The following NALF1 variants were observed in gnomAD, a reference collection of about 807,000 sequenced individuals.
The protein encoded by NALF1 is NALCN channel auxiliary factor 1.
In NALF1, 3 loss-of-function variants were observed where a neutral mutation model predicts 48.4. The observed-to-expected ratio is 0.06, with a 90% CI of 0.03 to 0.16. The LOEUF (loss-of-function observed/expected upper bound fraction) is 0.16, where lower values mean the gene tolerates loss of function less well. Among genes scored for constraint, NALF1 ranks in the 10% least tolerant of loss-of-function variants. The pLI is 1.00. For synonymous variants in NALF1, 262 were observed against 245.7 expected (o/e 1.07, Z -0.62); for missense variants, 526 against 571.5 (o/e 0.92, Z 0.81).
chr13:107,328,502 C>T (rs1882408490), intron 1 of NALF1, among the ~76,000 whole-genome samples: 1 of 152,062 alleles, frequency 6.6e-6, no homozygotes. Flanking sequence ...AGAAGTCCTC[C>T]CATAAAGCAT....
intron 1 of NALF1, among the ~76,000 whole-genome samples, chr13:107,703,001 G>T (rs1040005259): frequency 6.6e-5 from 10 of 152,136 alleles, no homozygotes. Context: ...GTGCTGCGAT[G>T]AACATATGTG....
chr13:107,671,333 A>G (rs1030128935), intron 1 of NALF1, among the ~76,000 whole-genome samples: 1 of 152,130 alleles, frequency 6.6e-6, no homozygotes, highest in African/African-American at 2.4e-5. Context: ...AGTTTTTCAT[A>G]TAACAAAAAT....
In NALF1 at chr13:107,266,734, C is replaced by A. The variant is rs529905882; in HGVS notation, c.916-55979G>T. 1.4e-4 allele frequency among the ~76,000 whole-genome samples: 21 copies of A among 152,270 alleles called. 1 individual carries two copies. In the South Asian group the frequency reaches 3.7e-3, roughly 27 times the overall value. Reference sequence around the variant, plus strand: ...AATGCAATTTTTAGGGTCAAAAAAACCCACAGGAAATAAAAGTATGCACAA... The same window carrying A: ...AATGCAATTTTTAGGGTCAAAAAAAACCACAGGAAATAAAAGTATGCACAA... On this transcript the variant is annotated intron_variant, in intron 1 of 2. Coordinates refer to ENST00000375915, the MANE Select transcript of NALF1 (RefSeq NM_001080396.3).
Position 107,252,295 on chromosome 13 carries a change from G to T in NALF1, c.916-41540C>A, listed in dbSNP as rs566020527. Among the ~76,000 whole-genome samples the T allele has an allele frequency of 9.2e-5, 14 of 152,252 alleles. No individual in the cohort carries two copies. In the South Asian group the frequency reaches 1.5e-3, roughly 16 times the overall value. On this transcript the variant is annotated intron_variant, in intron 1 of 2. Transcript: ENST00000375915. ...CACGGTTCCCGGCCACAGCACACGG[G>T]CCTCTTCATGGAGAGGCTCACAACG... is the stretch of plus-strand genomic sequence containing the variant.
At chr13:107,545,273 T>G (rs935560311) in intron 1 of NALF1, among the ~76,000 whole-genome samples, 1 of 152,092 alleles carries the variant, frequency 6.6e-6, no homozygotes, top group Admixed American at 6.5e-5. Flanking sequence ...ATTGCAGCAA[T>G]GCACCCACAA....
chr13:107,628,138 T>C (rs990155642), intron 1 of NALF1, among the ~76,000 whole-genome samples: 1 of 152,096 alleles, frequency 6.6e-6, no homozygotes, highest in African/African-American at 2.4e-5. Context: ...ACGTGCAATG[T>C]TTGTTTTTAA....
At chr13:107,395,206 A>G (rs1256793588) in intron 1 of NALF1, among the ~76,000 whole-genome samples, 1 of 152,094 alleles carries the variant, frequency 6.6e-6, no homozygotes, top group Non-Finnish European at 1.5e-5. Flanking sequence ...TTGACAGGTG[A>G]TTTTTTAAAA....
At position 107,557,198 on chromosome 13, in the gene NALF1, G is replaced by A. The variant is rs148522594; in HGVS notation, c.915+308484C>T. ...TTAGGTGTTTCCTTGAAGAACATTC[G>A]TTCACTGAAATTTAGGGCTTACTAT... On this transcript the variant is annotated intron_variant, in intron 1 of 2. Transcript: ENST00000375915. Among the ~76,000 whole-genome samples, 573 of 152,168 alleles carry A rather than the reference G, an allele frequency of 3.8e-3. 1 individual carries two copies. The highest frequency in any genetic ancestry group is 0.012 in the African/African-American group (517 of 41,518).
chr13:107,241,366 A>C (rs1371499495), intron 1 of NALF1, among the ~76,000 whole-genome samples: 2 of 152,182 alleles, frequency 1.3e-5, no homozygotes, highest in Non-Finnish European at 2.9e-5. Context: ...GATCTCTAGC[A>C]GATTGGAGTG....
At chr13:107,739,886 T>A (rs1876583547) in intron 1 of NALF1, among the ~76,000 whole-genome samples, 1 of 152,226 alleles carries the variant, frequency 6.6e-6, no homozygotes, top group African/African-American at 2.4e-5. Flanking sequence ...ATCTAGGTTG[T>A]GTGCTACTTA....
intron 1 of NALF1, among the ~76,000 whole-genome samples, chr13:107,328,361 T>C (rs1449022307): frequency 6.6e-6 from 1 of 151,822 alleles, no homozygotes. Flanking sequence ...TCCAGACTCA[T>C]CACACTCACA....
chr13:107,566,990 T>C (rs9555373), intron 1 of NALF1, among the ~76,000 whole-genome samples: 6,960 of 152,214 alleles, frequency 0.046, 529 homozygotes, highest in East Asian at 0.36. Context: ...ATTTTTCCTA[T>C]ATTTTTTCTG....
intron 1 of NALF1, among the ~76,000 whole-genome samples, chr13:107,229,474 A>C (rs1880174920): frequency 6.6e-6 from 1 of 152,168 alleles, no homozygotes; most frequent in East Asian, 1.9e-4. Context: ...TTGTATTTTA[A>C]AAGTGCTTTA....
chr13:107,726,945 G>A (rs1876173602), intron 1 of NALF1, among the ~76,000 whole-genome samples: 1 of 151,058 alleles, frequency 6.6e-6, no homozygotes, highest in African/African-American at 2.4e-5. Flanking sequence ...GTGTGTGTGT[G>A]TGTGTGTGTG....
intron 1 of NALF1, among the ~76,000 whole-genome samples, chr13:107,660,873 G>A (rs917416704): frequency 2.0e-5 from 3 of 152,068 alleles, no homozygotes; most frequent in Non-Finnish European, 4.4e-5. Context: ...GCCTTGCTGA[G>A]AGATGTGGTG....
chr13:107,441,339 T>C (rs937169910), intron 1 of NALF1, among the ~76,000 whole-genome samples: 20 of 152,220 alleles, frequency 1.3e-4, no homozygotes, highest in African/African-American at 4.8e-4. Context: ...CTGGATCTAT[T>C]GAGGAATTTA....
chr13:107,431,402 C>T (rs1413604220), intron 1 of NALF1, among the ~76,000 whole-genome samples: 5 of 152,154 alleles, frequency 3.3e-5, no homozygotes, highest in East Asian at 1.9e-4. Flanking sequence ...CATGCGCATG[C>T]GTGCACACAC....
intron 1 of NALF1, among the ~76,000 whole-genome samples, chr13:107,225,803 C>T (rs1880089724): frequency 6.6e-6 from 1 of 152,068 alleles, no homozygotes; most frequent in Non-Finnish European, 1.5e-5. Context: ...GATTGCCATA[C>T]TCTCGCCATA....
At chr13:107,742,767 C>T (rs902554799) in intron 1 of NALF1, among the ~76,000 whole-genome samples, 2 of 152,182 alleles carry the variant, frequency 1.3e-5, no homozygotes, top group East Asian at 3.8e-4. Context: ...TCTATGTGAG[C>T]AGATGCCAAG....
Sources: gnomAD v4.1 joint callset for allele counts (sites outside exome capture counted in the v4.1 genomes callset) on GRCh38, gnomAD v4.1.1 for gene constraint, MANE v1.5 for transcripts, NCBI Gene and HGNC (gene_info 2026-07-23, HGNC 2026-07-21) for gene names.